SELENOF: variants seen among roughly 807,000 people sequenced by gnomAD.
SELENOF encodes 15 kDa selenoprotein.
SELENOF carries 16 observed loss-of-function variants against 20.5 expected under a neutral mutation model. The ratio of observed to expected loss-of-function variants is 0.78; its 90% confidence interval spans 0.53 to 1.19. SELENOF has a LOEUF of 1.19. SELENOF is among the 50% of genes most tolerant of loss of function. The pLI is 0.00. For missense variants in SELENOF, 215 were observed against 194.2 expected (o/e 1.11, Z -0.64); for synonymous variants, 78 against 74.5 (o/e 1.05, Z -0.24).
At position 86,900,259 on chromosome 1, in the gene SELENOF, C is replaced by T. The variant is rs796591347; in HGVS notation, c.252+3022G>A. On this transcript the variant is annotated intron_variant, in intron 2 of 4. Coordinates refer to ENST00000331835, the MANE Select transcript of SELENOF (RefSeq NM_004261.5). Reference sequence around the variant, plus strand: ...GGCGGCTGGGAGGTGGAGGTTGTAGCGAGCCGAGATCACGCCACTGCACTC... The same window carrying T: ...GGCGGCTGGGAGGTGGAGGTTGTAGTGAGCCGAGATCACGCCACTGCACTC... Among the ~76,000 whole-genome samples the T allele has an allele frequency of 5.9e-5, 9 of 152,042 alleles. No homozygotes were observed. In the East Asian group the frequency reaches 1.2e-3, roughly 20 times the overall value.
At chr1:86,878,053 A>G (rs1042385366) in intron 3 of SELENOF, among the ~76,000 whole-genome samples, 2 of 152,208 alleles carry the variant, frequency 1.3e-5, no homozygotes, top group African/African-American at 4.8e-5. Context: ...ACAGAATACT[A>G]GACAAAATCT....
chr1:86,903,544 G>T, intron 1 of SELENOF, 96 bp from the exon 2 acceptor site: 1 of 756,710 alleles, frequency 1.3e-6, no homozygotes, highest in Admixed American at 3.8e-5. Flanking sequence ...CTAACACATT[G>T]AAGACAAGTT....
intron 3 of SELENOF, among the ~76,000 whole-genome samples, chr1:86,873,025 CG>C (rs1395074917): frequency 6.7e-6 from 1 of 149,346 alleles, no homozygotes; most frequent in Non-Finnish European, 1.5e-5. Flanking sequence ...CCAGCCTGGG[CG>C]ACAGTGTGAC....
chr1:86,872,063 A>G (rs1270224997), intron 3 of SELENOF, among the ~76,000 whole-genome samples: 1 of 152,216 alleles, frequency 6.6e-6, no homozygotes, highest in Non-Finnish European at 1.5e-5. Context: ...GGGTTCAGTG[A>G]ACTCTGTTTA....
chr1:86,880,382 C>T (rs1659036525), intron 3 of SELENOF, among the ~76,000 whole-genome samples: 1 of 152,206 alleles, frequency 6.6e-6, no homozygotes, highest in Non-Finnish European at 1.5e-5. Context: ...GATCCACCCA[C>T]CTTGGCCTCC....
intron 1 of SELENOF, among the ~76,000 whole-genome samples, chr1:86,912,126 A>G (rs1660000987): frequency 6.6e-6 from 1 of 152,216 alleles, no homozygotes; most frequent in South Asian, 2.1e-4. Flanking sequence ...CCAACCATTT[A>G]GATTCTGAAT....
At chr1:86,872,722 G>A (rs1484187831) in intron 3 of SELENOF, among the ~76,000 whole-genome samples, 2 of 151,910 alleles carry the variant, frequency 1.3e-5, no homozygotes, top group Admixed American at 6.6e-5. Context: ...GGCCAACATG[G>A]TGGAAACCCC....
chr1:86,904,695 T>C (rs1038993146), intron 1 of SELENOF, among the ~76,000 whole-genome samples: 9 of 152,202 alleles, frequency 5.9e-5, no homozygotes, highest in African/African-American at 2.2e-4. Flanking sequence ...CCCAAACTCA[T>C]TAATATAGCC....
chr1:86,894,374 G>T (rs1659468047), intron 2 of SELENOF, among the ~76,000 whole-genome samples: 1 of 151,782 alleles, frequency 6.6e-6, no homozygotes, highest in South Asian at 2.1e-4. Flanking sequence ...CAAACATATA[G>T]CTCAATTTAT....
intron 3 of SELENOF, among the ~76,000 whole-genome samples, chr1:86,869,038 A>AT (rs1222151367): frequency 2.6e-5 from 4 of 152,230 alleles, no homozygotes; most frequent in African/African-American, 9.6e-5. Context: ...AAGAAATGCC[A>AT]TAACAATGAG....
chr1:86,871,978 G>A (rs1658781580), intron 3 of SELENOF, among the ~76,000 whole-genome samples: 1 of 151,896 alleles, frequency 6.6e-6, no homozygotes, highest in Admixed American at 6.6e-5. Context: ...AGATTCTGGA[G>A]GAGGGCAGCT....
intron 2 of SELENOF, among the ~76,000 whole-genome samples, chr1:86,893,450 C>CAAAA (rs10714134): frequency 5.5e-5 from 5 of 90,528 alleles, no homozygotes; most frequent in Admixed American, 1.3e-4. Context: ...TACTAAAATA[C>CAAAA]AAAAAAAAAA....
intron 2 of SELENOF, among the ~76,000 whole-genome samples, chr1:86,896,754 T>A (rs1454344032): frequency 1.3e-5 from 2 of 152,116 alleles, no homozygotes; most frequent in Non-Finnish European, 2.9e-5. Context: ...AACCAAAGAG[T>A]GTTACCAATG....
At chr1:86,872,809 G>A (rs1179623485) in intron 3 of SELENOF, among the ~76,000 whole-genome samples, 3 of 151,966 alleles carry the variant, frequency 2.0e-5, no homozygotes, top group African/African-American at 7.2e-5. Flanking sequence ...TTGGGAGGCC[G>A]AGGTGGGAGG....
intron 3 of SELENOF, among the ~76,000 whole-genome samples, chr1:86,874,712 T>C (rs1196722663): frequency 6.6e-6 from 1 of 152,128 alleles, no homozygotes; most frequent in African/African-American, 2.4e-5. Flanking sequence ...ATTATGTTAT[T>C]TTCAAAATCA....
chr1:86,904,941 G>A (rs1276576405), intron 1 of SELENOF, among the ~76,000 whole-genome samples: 1 of 152,010 alleles, frequency 6.6e-6, no homozygotes, highest in Non-Finnish European at 1.5e-5. Flanking sequence ...TGCATTTATT[G>A]AAAACTCTCA....
chr1:86,881,194 T>C (rs561094624), intron 2 of SELENOF, among the ~76,000 whole-genome samples: 254 of 117,716 alleles, frequency 2.2e-3, no homozygotes, highest in Middle Eastern at 8.1e-3. Context: ...TTATAGAAAG[T>C]ACTATGTGGA....
chr1:86,913,054 C>T (rs546362240), intron 1 of SELENOF, among the ~76,000 whole-genome samples: 1 of 152,276 alleles, frequency 6.6e-6, no homozygotes, highest in Admixed American at 6.5e-5. Context: ...ATGTTAATTA[C>T]AGAAGTTAAG....
At chr1:86,908,582 A>AT (rs2102133044) in intron 1 of SELENOF, among the ~76,000 whole-genome samples, 1 of 152,330 alleles carries the variant, frequency 6.6e-6, no homozygotes, top group East Asian at 1.9e-4. Context: ...CACAGAATCC[A>AT]TGATACACCA....
Sources: gnomAD v4.1 joint callset for allele counts (sites outside exome capture counted in the v4.1 genomes callset) on GRCh38, gnomAD v4.1.1 for gene constraint, MANE v1.5 for transcripts, NCBI Gene and HGNC (gene_info 2026-07-23, HGNC 2026-07-21) for gene names.